KIAA0513: variants seen among roughly 807,000 people sequenced by gnomAD.
The protein encoded by KIAA0513 is KIAA0513.
Under a neutral mutation model 56.5 loss-of-function variants are expected in KIAA0513, and 39 were observed. The ratio of observed to expected loss-of-function variants is 0.69; its 90% CI spans 0.53 to 0.90. KIAA0513 has a LOEUF of 0.90. Among genes scored for constraint, KIAA0513 ranks in the 40% least tolerant of loss-of-function variants. The pLI, the probability that KIAA0513 is intolerant of heterozygous loss-of-function variation, is 0.00. For missense variants in KIAA0513, 591 were observed against 535.2 expected (o/e 1.10, Z -1.03); for synonymous variants, 268 against 215.6 (o/e 1.24, Z -2.13).
At chr16:85,028,966 G>C (rs1261912791) in intron 1 of KIAA0513, among the ~76,000 whole-genome samples, 1 of 152,214 alleles carries the variant, frequency 6.6e-6, no homozygotes, top group African/African-American at 2.4e-5. Context: ...CAGCCTAAAA[G>C]CAGGGCAGAG....
rs1046727326 is a variant in KIAA0513, at chr16:85,081,005, T to C, written c.903-310T>C. Among the ~76,000 whole-genome samples, 2 of 152,178 alleles carry C rather than the reference T, an allele frequency of 1.3e-5. No individual in the cohort carries two copies. Among genetic ancestry groups the C allele is most frequent in the African/African-American group, 2.4e-5 (1 of 41,454 alleles). The stretch of plus-strand genomic sequence containing the variant: ...AAGAAAACGACCCACCTCCGTGTCC[T>C]ACAGATGGTGGCTTCAACTTTGCCC... On this transcript the variant is annotated intron_variant, in intron 8 of 12. Transcript: ENST00000683363. The surrounding 1 kb of genome is among the most constrained non-coding windows in gnomAD (Gnocchi z 4.4).
chr16:85,062,636 C>T (rs1233851024), intron 1 of KIAA0513, among the ~76,000 whole-genome samples: 1 of 152,050 alleles, frequency 6.6e-6, no homozygotes, highest in Non-Finnish European at 1.5e-5. Context: ...TGACTCCCAG[C>T]GTGTTTTGAA....
intron 8 of KIAA0513, 32 bp downstream of exon 8, chr16:85,079,035 T>G (rs1197524055): frequency 6.2e-7 from 1 of 1,613,950 alleles, no homozygotes; most frequent in East Asian, 2.2e-5. Context: ...CCCGTCACCC[T>G]CTTACTGACG....
At chr16:85,058,402 C>G (rs1387735690) in intron 1 of KIAA0513, among the ~76,000 whole-genome samples, 4 of 152,078 alleles carry the variant, frequency 2.6e-5, no homozygotes, top group Non-Finnish European at 5.9e-5. Flanking sequence ...GCCTATAATC[C>G]CAGCACTTAG....
rs1476083848 is a variant in KIAA0513 at position 85,077,425 on chromosome 16, G to A, written c.575G>A (p.Gly192Glu). Residue 192 changes from glycine (G) to glutamate (E), a missense_variant and splice_region_variant, in exon 6 of 13, where the codon GGA becomes GAA. Gly to Glu is a moderately conservative substitution (Grantham distance 98). Coordinates refer to ENST00000683363, the MANE Select transcript of KIAA0513 (RefSeq NM_001388359.1). ...CGTCTTGTTCCCTCTCTCATCCAAG[G>A]AAAACCACAGCTGCTGCCCCCGGAG... ...MTMCFTYYHIGKPQLLPPESR... is the reference protein window; with the variant it reads ...MTMCFTYYHIEKPQLLPPESR... The A allele has an allele frequency of 6.2e-7, 1 of 1,613,748 alleles. No homozygotes were observed. The highest frequency in any genetic ancestry group is 1.3e-5 in the African/African-American group (1 of 74,920).
At chr16:85,086,505 C>G (rs940275535) in intron 10 of KIAA0513, 139 bp from the exon 11 acceptor site, 1 of 781,594 alleles carries the variant, frequency 1.3e-6, no homozygotes, top group East Asian at 2.7e-5. Context: ...CACGGCTCTC[C>G]GGTGGAAGGC....
At chr16:85,042,505 A>G (rs2073117272) in intron 1 of KIAA0513, among the ~76,000 whole-genome samples, 1 of 152,150 alleles carries the variant, frequency 6.6e-6, no homozygotes, top group South Asian at 2.1e-4. Context: ...TTATCTAGAC[A>G]CTTCCATCTT....
At chr16:85,080,761 C>T (rs980767801) in intron 8 of KIAA0513, among the ~76,000 whole-genome samples, 10 of 152,124 alleles carry the variant, frequency 6.6e-5, no homozygotes, top group African/African-American at 2.2e-4. Context: ...CCATTGAACT[C>T]CAGCCTAGGC....
chr16:85,085,859 G>A (rs528306291), intron 10 of KIAA0513, among the ~76,000 whole-genome samples: 68 of 152,248 alleles, frequency 4.5e-4, no homozygotes, highest in Non-Finnish European at 8.1e-4. Flanking sequence ...AACCTCGGCC[G>A]ATGCCGTCTT....
At chr16:85,067,834 A>G (rs1160887884) in intron 2 of KIAA0513, among the ~76,000 whole-genome samples, 2 of 151,564 alleles carry the variant, frequency 1.3e-5, no homozygotes, top group African/African-American at 2.4e-5. Context: ...TTTTTGAGAC[A>G]GAGTCTGGGT....
intron 1 of KIAA0513, among the ~76,000 whole-genome samples, chr16:85,033,592 C>G (rs1278299522): frequency 6.6e-6 from 1 of 152,030 alleles, no homozygotes; most frequent in Non-Finnish European, 1.5e-5. Flanking sequence ...CTCTGCACTT[C>G]TGCATCTCAT....
chr16:85,057,233 G>A (rs746461968), intron 1 of KIAA0513, among the ~76,000 whole-genome samples: 1 of 152,210 alleles, frequency 6.6e-6, no homozygotes, highest in Admixed American at 6.5e-5. Context: ...GAGATGAATG[G>A]CGTAGAGTCC....
At chr16:85,073,180 G>A (rs1341125786) in intron 4 of KIAA0513, among the ~76,000 whole-genome samples, 182 bp downstream of exon 4, 2 of 152,156 alleles carry the variant, frequency 1.3e-5, no homozygotes, top group Non-Finnish European at 2.9e-5. Context: ...TCCATCTCGC[G>A]GGAGCAGGGC....
chr16:85,071,226 C>A (rs978527161), intron 2 of KIAA0513, among the ~76,000 whole-genome samples: 3 of 152,096 alleles, frequency 2.0e-5, no homozygotes, highest in South Asian at 2.1e-4. Context: ...CAGGGGATGG[C>A]CTGAACCATG....
chr16:85,046,105 G>C (rs576272274), intron 1 of KIAA0513, among the ~76,000 whole-genome samples: 2 of 152,098 alleles, frequency 1.3e-5, no homozygotes, highest in Non-Finnish European at 1.5e-5. Flanking sequence ...GAGCTGCTTC[G>C]GCCCTTCCCT....
intron 8 of KIAA0513, among the ~76,000 whole-genome samples, chr16:85,079,947 T>C (rs2073718378): frequency 6.6e-6 from 1 of 152,236 alleles, no homozygotes; most frequent in African/African-American, 2.4e-5. Flanking sequence ...AAGCCTCTCC[T>C]CGACATATTT....
intron 1 of KIAA0513, among the ~76,000 whole-genome samples, chr16:85,030,072 G>A (rs1039983341): frequency 3.3e-5 from 5 of 152,168 alleles, no homozygotes; most frequent in Non-Finnish European, 5.9e-5. Flanking sequence ...CCAGAGGCTT[G>A]CAAAACATCC....
At chr16:85,075,209 A>G (rs532670441) in intron 4 of KIAA0513, among the ~76,000 whole-genome samples, 16 of 150,742 alleles carry the variant, frequency 1.1e-4, no homozygotes, top group Non-Finnish European at 2.1e-4. Flanking sequence ...AAAAAGATAA[A>G]AATGGCCTTT....
In KIAA0513 at chr16:85,075,966, A is replaced by G. The variant is rs770161513; in HGVS notation, c.574+52A>G. The G allele has an allele frequency of 3.1e-5, 43 of 1,380,386 alleles. 1 individual carries two copies. The South Asian group carries it at 4.6e-4, about 15-fold the overall frequency. The allele number at this position is 1,380,386 out of a possible 1,614,324, so 85.5% of individuals were successfully genotyped here. ...GCTCACCTGAGGCTAGTCTGCTGAT[A>G]ATATGGTGTCAGAGGAAGCTTTCTT... On this transcript the variant is annotated intron_variant, in intron 5 of 12. Coordinates refer to ENST00000683363, the MANE Select transcript of KIAA0513 (RefSeq NM_001388359.1).
Sources: allele counts gnomAD v4.1 joint callset (sites outside exome capture counted in the v4.1 genomes callset), GRCh38; gene constraint gnomAD v4.1.1; non-coding constraint Gnocchi (gnomAD v3.1); transcripts MANE v1.5; gene names NCBI Gene and HGNC (gene_info 2026-07-23, HGNC 2026-07-21).